Variants in PALM2AKAP2 observed in about 807,000 individuals in gnomAD.
The protein encoded by PALM2AKAP2 is PALM2-AKAP2 fusion protein.
In PALM2AKAP2, 37 loss-of-function variants were observed where a neutral mutation model predicts 71.5. The ratio of observed to expected loss-of-function variants is 0.52; its 90% confidence interval spans 0.40 to 0.68. The LOEUF (loss-of-function observed/expected upper bound fraction) is 0.68, where lower values mean the gene tolerates loss of function less well. Among genes scored for constraint, PALM2AKAP2 ranks in the 30% least tolerant of loss-of-function variants. The probability of loss-of-function intolerance (pLI) is 0.00; values close to 1 mark genes in which losing one functional copy is unlikely to be tolerated. For missense variants in PALM2AKAP2, 1,224 were observed against 1,191.8 expected (o/e 1.03, Z -0.40); for synonymous variants, 468 against 478.8 (o/e 0.98, Z 0.29).
At chr9:109,701,405 A>C (rs1456707155) in intron 1 of PALM2AKAP2, among the ~76,000 whole-genome samples, 1 of 152,228 alleles carries the variant, frequency 6.6e-6, no homozygotes, top group Non-Finnish European at 1.5e-5. Context: ...GATATAGACC[A>C]ATGGAACAGA....
At chr9:109,799,822 T>G (rs1827374039) in intron 1 of PALM2AKAP2, among the ~76,000 whole-genome samples, 1 of 152,170 alleles carries the variant, frequency 6.6e-6, no homozygotes, top group Admixed American at 6.5e-5. Context: ...GTTTAAGGCA[T>G]TCTTTTTATA....
intron 1 of PALM2AKAP2, among the ~76,000 whole-genome samples, chr9:109,773,840 G>A (rs1162352469): frequency 6.6e-6 from 1 of 152,270 alleles, no homozygotes; most frequent in Non-Finnish European, 1.5e-5. Flanking sequence ...TTAGTAATGA[G>A]CAATTTTTGA....
chr9:110,129,753 G>A (rs1835693568), intron 1 of PALM2AKAP2, among the ~76,000 whole-genome samples: 1 of 152,178 alleles, frequency 6.6e-6, no homozygotes. Context: ...GATGGACCAG[G>A]TTCTGTTTTA....
intron 6 of PALM2AKAP2, among the ~76,000 whole-genome samples, chr9:109,999,688 G>A (rs1465538974): frequency 6.6e-6 from 1 of 152,218 alleles, no homozygotes; most frequent in Non-Finnish European, 1.5e-5. Flanking sequence ...AGAACGGCCC[G>A]CTGAAGCAGC....
chr9:109,867,172 G>C (rs994900364), intron 1 of PALM2AKAP2: 4,687 of 296,524 alleles, frequency 0.016, 148 homozygotes, highest in African/African-American at 0.12. Context: ...CTCTGTGTGT[G>C]TGTGTGTGTG....
At chr9:110,015,882 G>A in intron 6 of PALM2AKAP2, 72 bp from the exon 7 acceptor site, 1 of 1,349,620 alleles carries the variant, frequency 7.4e-7, no homozygotes, top group Non-Finnish European at 1.0e-6. Flanking sequence ...ATTGTAATCT[G>A]AGCAATAACA....
At chr9:109,725,541 A>G (rs944177428) in intron 1 of PALM2AKAP2, among the ~76,000 whole-genome samples, 16 of 152,340 alleles carry the variant, frequency 1.1e-4, no homozygotes, top group Non-Finnish European at 1.9e-4. Context: ...ACACAGAGAT[A>G]AAAGTACAGA....
At chr9:110,025,399 C>CG in intron 7 of PALM2AKAP2, 3 of 670,354 alleles carry the variant, frequency 4.5e-6, no homozygotes, top group Non-Finnish European at 7.8e-6. Context: ...GCCCGAAAGG[C>CG]TTTTTTTTTT....
chr9:109,997,525 T>C (rs1284750176), intron 6 of PALM2AKAP2, among the ~76,000 whole-genome samples: 1 of 152,216 alleles, frequency 6.6e-6, no homozygotes, highest in Admixed American at 6.5e-5. Flanking sequence ...TGAGATCCTT[T>C]AACATCCACT....
At chr9:109,832,941 G>T (rs561182303) in intron 1 of PALM2AKAP2, among the ~76,000 whole-genome samples, 109 of 152,294 alleles carry the variant, frequency 7.2e-4, no homozygotes, top group African/African-American at 2.4e-3. Flanking sequence ...AGGCCTTTGG[G>T]CTCCTTTCGT....
intron 3 of PALM2AKAP2, among the ~76,000 whole-genome samples, chr9:109,886,714 C>G (rs1829974686): frequency 6.6e-6 from 1 of 152,186 alleles, no homozygotes; most frequent in African/African-American, 2.4e-5. Flanking sequence ...TTCTGAGTTT[C>G]TCTAATTTGA....
chr9:109,859,837 G>A (rs891425509), intron 1 of PALM2AKAP2, among the ~76,000 whole-genome samples: 2 of 152,194 alleles, frequency 1.3e-5, no homozygotes, highest in South Asian at 2.1e-4. Context: ...GCCTTTTAAG[G>A]CTGTCATTTA....
rs2132410309 is a variant in PALM2AKAP2 at position 110,030,550 on chromosome 9, A to G, written c.582+14511A>G. Among the ~76,000 whole-genome samples the G allele has an allele frequency of 2.6e-5, 4 of 152,298 alleles. No homozygotes were observed. The Middle Eastern group carries it at 0.014, about 518-fold the overall frequency. ...TTCTTCAGGTTCAGAATATCAAAGC[A>G]TCATATTTGGGGATATAGGTTTCTG... On this transcript the variant is annotated intron_variant, in intron 7 of 9. Transcript: ENST00000302798.
intron 3 of PALM2AKAP2, 150 bp downstream of exon 3, chr9:109,880,831 T>A: frequency 8.3e-7 from 1 of 1,204,154 alleles, no homozygotes; most frequent in Non-Finnish European, 1.1e-6. Context: ...TTGTTTAAAC[T>A]TTTCCAGATG....
chr9:109,956,044 A>T (rs1831740877), intron 6 of PALM2AKAP2, among the ~76,000 whole-genome samples: 2 of 148,598 alleles, frequency 1.3e-5, no homozygotes, highest in African/African-American at 2.5e-5. Context: ...TCACTCTGTC[A>T]CCCAGGCTAG....
At chr9:109,852,870 A>T (rs1360219848) in intron 1 of PALM2AKAP2, among the ~76,000 whole-genome samples, 1 of 152,086 alleles carries the variant, frequency 6.6e-6, no homozygotes, top group African/African-American at 2.4e-5. Context: ...TCACTTTTTA[A>T]TGGGGTTGTT....
At chr9:109,657,342 T>C (rs1477089048) in intron 1 of PALM2AKAP2, among the ~76,000 whole-genome samples, 1 of 152,216 alleles carries the variant, frequency 6.6e-6, no homozygotes, top group Non-Finnish European at 1.5e-5. Context: ...TGTTCACACT[T>C]TTCAAACCAG....
At chr9:109,867,145 C>T (rs1829467967) in intron 1 of PALM2AKAP2, 2 of 455,460 alleles carry the variant, frequency 4.4e-6, no homozygotes, top group Non-Finnish European at 8.8e-6. Flanking sequence ...CAAATTAACA[C>T]TGCACAGAAC....
chr9:110,134,022 C>T (rs1020575254), intron 1 of PALM2AKAP2, among the ~76,000 whole-genome samples: 2 of 152,218 alleles, frequency 1.3e-5, no homozygotes, highest in African/African-American at 4.8e-5. Flanking sequence ...CAGGGTGGCT[C>T]ATGCCTGTAA....
Sources: gnomAD v4.1 joint callset for allele counts (sites outside exome capture counted in the v4.1 genomes callset) on GRCh38, gnomAD v4.1.1 for gene constraint, MANE v1.5 for transcripts, NCBI Gene and HGNC (gene_info 2026-07-23, HGNC 2026-07-21) for gene names.